The following ANKS1B variants were observed in gnomAD, a reference collection of about 807,000 sequenced individuals.
ANKS1B encodes ankyrin repeat and sterile alpha motif domain-containing protein 1B.
ANKS1B carries 36 observed loss-of-function variants against 148.3 expected under a neutral mutation model. The observed-to-expected ratio is 0.24, with a 90% confidence interval of 0.19 to 0.32. ANKS1B has a LOEUF of 0.32. Among genes scored for constraint, ANKS1B ranks in the 10% least tolerant of loss-of-function variants. The pLI, the probability that ANKS1B is intolerant of heterozygous loss-of-function variation, is 1.00. For missense variants in ANKS1B, 1,157 were observed against 1,542.6 expected, an observed-to-expected ratio of 0.75 and a Z score of 4.19; for synonymous variants, 542 against 560.8, an observed-to-expected ratio of 0.97 and a Z score of 0.47.
chr12:98,796,818 A>C (rs890136806), intron 22 of ANKS1B, among the ~76,000 whole-genome samples: 2 of 152,238 alleles, frequency 1.3e-5, no homozygotes, highest in Non-Finnish European at 2.9e-5. Context: ...TTTAAGCAAC[A>C]GACAAGGATT....
At chr12:99,456,150 G>A (rs1264918289) in intron 10 of ANKS1B, among the ~76,000 whole-genome samples, 1 of 152,068 alleles carries the variant, frequency 6.6e-6, no homozygotes. Flanking sequence ...TAGCTCCACT[G>A]GGAGGCTAGA....
At chr12:99,722,585 A>G (rs1215459371) in intron 8 of ANKS1B, among the ~76,000 whole-genome samples, 1 of 152,198 alleles carries the variant, frequency 6.6e-6, no homozygotes, top group Non-Finnish European at 1.5e-5. Flanking sequence ...TCGACAATGC[A>G]CCTAATTACC....
At chr12:98,819,651 G>C (rs1208560109) in intron 19 of ANKS1B, among the ~76,000 whole-genome samples, 1 of 152,176 alleles carries the variant, frequency 6.6e-6, no homozygotes, top group East Asian at 1.9e-4. Flanking sequence ...CTGTCTGTAA[G>C]GATGTATTAG....
intron 4 of ANKS1B, among the ~76,000 whole-genome samples, chr12:99,797,264 C>G (rs1298959054): frequency 6.6e-6 from 1 of 151,900 alleles, no homozygotes; most frequent in East Asian, 1.9e-4. Flanking sequence ...TGTGGCTTAT[C>G]ACACCCTAGA....
rs749953134 is a variant in ANKS1B at position 99,929,387 on chromosome 12, C to CTGGATATTAGCCCT, written c.134+54703_134+54716dup. Reference sequence around the variant, plus strand: ...AATTTGTTTGAGTTCATTGTAGATTCTGGATATTAGCCCTTTGTCAGATGA... The same window carrying CTGGATATTAGCCCT: ...AATTTGTTTGAGTTCATTGTAGATTCTGGATATTAGCCCTTGGATATTAGCCCTTTGTCAGATGA... On this transcript the variant is annotated intron_variant, in intron 1 of 26. Transcript: ENST00000683438. Among the ~76,000 whole-genome samples, 239 of 152,232 alleles carry CTGGATATTAGCCCT rather than the reference C, an allele frequency of 1.6e-3. 1 individual carries two copies. The highest frequency in any genetic ancestry group is 7.8e-3 in the Admixed American group (119 of 15,294).
At chr12:99,126,265 G>C (rs993099982) in intron 15 of ANKS1B, among the ~76,000 whole-genome samples, 2 of 152,102 alleles carry the variant, frequency 1.3e-5, no homozygotes, top group African/African-American at 2.4e-5. Context: ...GTGTCATACA[G>C]TGCTTTTCAA....
chr12:99,705,202 A>G (rs1288712707), intron 8 of ANKS1B, among the ~76,000 whole-genome samples: 1 of 152,146 alleles, frequency 6.6e-6, no homozygotes, highest in African/African-American at 2.4e-5. Flanking sequence ...CCTGGTGACT[A>G]TCCGTCCCTC....
intron 17 of ANKS1B, among the ~76,000 whole-genome samples, chr12:98,908,656 G>A (rs1320859362): frequency 2.0e-5 from 3 of 152,140 alleles, no homozygotes; most frequent in Non-Finnish European, 4.4e-5. Flanking sequence ...AGCTGCTTGA[G>A]GAGAAGAGTC....
At position 99,703,358 on chromosome 12, in the gene ANKS1B, T is replaced by C. The variant is rs560616747; in HGVS notation, c.1129-48148A>G. Reference sequence around the variant, plus strand: ...AGTAAATGAAACATCATGTCTAATGTATTCTGTGTGCTTCAAATCTTTTTA... The same window carrying C: ...AGTAAATGAAACATCATGTCTAATGCATTCTGTGTGCTTCAAATCTTTTTA... On this transcript the variant is annotated intron_variant, in intron 8 of 26. Transcript: ENST00000683438. Among the ~76,000 whole-genome samples, 49 of 152,266 alleles carry C rather than the reference T, an allele frequency of 3.2e-4. 1 individual carries two copies. Among genetic ancestry groups the C allele is most frequent in the African/African-American group, 1.2e-3 (49 of 41,562 alleles).
intron 17 of ANKS1B, among the ~76,000 whole-genome samples, chr12:98,868,221 C>G (rs1299444344): frequency 6.6e-6 from 1 of 152,216 alleles, no homozygotes; most frequent in African/African-American, 2.4e-5. Flanking sequence ...GCAGAACACA[C>G]CCTGGGCCCG....
rs554009891 is a variant in ANKS1B at position 99,198,471 on chromosome 12, A to T, written c.2420-44076T>A. Among the ~76,000 whole-genome samples, 236 of 152,336 alleles carry T rather than the reference A, an allele frequency of 1.5e-3. 2 individuals are homozygous for T. The highest frequency in any genetic ancestry group is 5.5e-3 in the African/African-American group (230 of 41,586). ...TACTGCCACAAAAATGTTGGAAATCAACGAGTAGTAGGTCAATTGTCAAAT... is the reference window on the plus strand; with the variant it reads ...TACTGCCACAAAAATGTTGGAAATCTACGAGTAGTAGGTCAATTGTCAAAT... On this transcript the variant is annotated intron_variant, in intron 14 of 26. Coordinates refer to ENST00000683438, the MANE Select transcript of ANKS1B (RefSeq NM_001352186.2).
chr12:99,490,813 TGAAAA>T (rs772294281), intron 10 of ANKS1B, among the ~76,000 whole-genome samples: 1 of 152,170 alleles, frequency 6.6e-6, no homozygotes, highest in Non-Finnish European at 1.5e-5. Flanking sequence ...TAATACTAAA[TGAAAA>T]GAAAATGAAT....
intron 1 of ANKS1B, among the ~76,000 whole-genome samples, chr12:99,842,540 A>T (rs1027337509): frequency 2.0e-5 from 3 of 152,056 alleles, no homozygotes; most frequent in African/African-American, 7.2e-5. Context: ...ACCATCCCTC[A>T]GGTGATACCT....
chr12:99,110,786 T>C (rs1199101071), intron 15 of ANKS1B, among the ~76,000 whole-genome samples: 5 of 152,202 alleles, frequency 3.3e-5, no homozygotes, highest in African/African-American at 1.2e-4. Flanking sequence ...TTTTTTTGTT[T>C]GATAACTTCC....
At chr12:99,001,027 T>TA (rs1180396650) in intron 17 of ANKS1B, among the ~76,000 whole-genome samples, 1 of 152,126 alleles carries the variant, frequency 6.6e-6, no homozygotes, top group Non-Finnish European at 1.5e-5. Flanking sequence ...CCAATTTACG[T>TA]ATTCATCCAT....
At chr12:99,364,389 A>G (rs1157215033) in intron 12 of ANKS1B, among the ~76,000 whole-genome samples, 1 of 152,150 alleles carries the variant, frequency 6.6e-6, no homozygotes, top group African/African-American at 2.4e-5. Flanking sequence ...CATGTTCCCT[A>G]TTGTCATATG....
intron 19 of ANKS1B, among the ~76,000 whole-genome samples, chr12:98,819,098 A>T (rs770530408): frequency 1.3e-5 from 2 of 152,226 alleles, no homozygotes; most frequent in Non-Finnish European, 2.9e-5. Flanking sequence ...AGCACATTAC[A>T]TAGTTGAAAA....
At chr12:98,867,026 G>A (rs894036150) in intron 17 of ANKS1B, among the ~76,000 whole-genome samples, 1 of 152,216 alleles carries the variant, frequency 6.6e-6, no homozygotes, top group African/African-American at 2.4e-5. Context: ...TAAGCCCCAT[G>A]TGGAAAGGTG....
chr12:99,941,273 A>G (rs868399690), intron 1 of ANKS1B, among the ~76,000 whole-genome samples: 4 of 152,132 alleles, frequency 2.6e-5, no homozygotes, highest in Non-Finnish European at 4.4e-5. Flanking sequence ...GGTTGGAAAT[A>G]AGGAGTCACT....
Sources: gnomAD v4.1 joint callset for allele counts (sites outside exome capture counted in the v4.1 genomes callset) on GRCh38, gnomAD v4.1.1 for gene constraint, MANE v1.5 for transcripts, NCBI Gene and HGNC (gene_info 2026-07-23, HGNC 2026-07-21) for gene names.